LRRC4C: variants seen among roughly 807,000 people sequenced by gnomAD.
The protein encoded by LRRC4C is leucine rich repeat containing 4C.
Under a neutral mutation model 33.6 loss-of-function variants are expected in LRRC4C, and 5 were observed. That is an observed-to-expected ratio of 0.15 (90% CI 0.08 to 0.31). LRRC4C has a LOEUF of 0.31. Ranked by LOEUF, LRRC4C falls within the 10% of genes least tolerant of loss-of-function variation. The pLI is 1.00. For missense variants in LRRC4C, 560 were observed against 796.7 expected (o/e 0.70, Z 3.58); for synonymous variants, 329 against 302.0 (o/e 1.09, Z -0.93).
intron 1 of LRRC4C, among the ~76,000 whole-genome samples, chr11:41,075,132 G>A (rs1485943766): frequency 3.5e-5 from 2 of 57,368 alleles, no homozygotes; most frequent in South Asian, 7.8e-4. Context: ...CATGTGCCAT[G>A]CTGGAATGAA....
chr11:40,990,307 T>A lies in LRRC4C; in HGVS notation c.-495-56584A>T, dbSNP rs191672900. Among the ~76,000 whole-genome samples, 201 of 143,282 alleles carry A rather than the reference T, an allele frequency of 1.4e-3. 2 individuals carry two copies. Among genetic ancestry groups the A allele is most frequent in the African/African-American group, 5.0e-3 (197 of 39,032 alleles). 94.0% of individuals were successfully genotyped at this position (143,282 alleles called of 152,430 possible). A position where few individuals can be genotyped will look rare whatever the true frequency, so the allele number is the denominator to read the frequency against. On this transcript the variant is annotated intron_variant, in intron 1 of 6. Transcript: ENST00000528697. ...TGAGTATTCTTGACACATGTATAAG[T>A]CAAGTAATGATGCTGTTTGGTTCAT...
intron 1 of LRRC4C, among the ~76,000 whole-genome samples, chr11:41,348,873 G>A (rs2048840153): frequency 6.6e-6 from 1 of 152,170 alleles, no homozygotes; most frequent in South Asian, 2.1e-4. Flanking sequence ...TGAGCTAGCA[G>A]GGAGAACTTC....
intron 5 of LRRC4C, among the ~76,000 whole-genome samples, chr11:40,202,972 C>T (rs930554255): frequency 2.0e-5 from 3 of 152,022 alleles, no homozygotes; most frequent in Non-Finnish European, 4.4e-5. Context: ...CATCTATTTA[C>T]TTTTTTTTGT....
At chr11:41,289,347 C>T (rs1235296604) in intron 1 of LRRC4C, among the ~76,000 whole-genome samples, 1 of 152,110 alleles carries the variant, frequency 6.6e-6, no homozygotes, top group African/African-American at 2.4e-5. Flanking sequence ...GAAGTGTATA[C>T]TGTAACCTTT....
intron 3 of LRRC4C, among the ~76,000 whole-genome samples, chr11:40,388,600 A>G (rs1949208358): frequency 1.3e-5 from 2 of 152,310 alleles, no homozygotes; most frequent in Admixed American, 6.5e-5. Context: ...GTGACACAGC[A>G]TCATCGTGTG....
At chr11:40,168,424 G>A (rs904518402) in intron 5 of LRRC4C, among the ~76,000 whole-genome samples, 6 of 152,192 alleles carry the variant, frequency 3.9e-5, no homozygotes, top group East Asian at 1.9e-4. Context: ...TCTAGTTTGC[G>A]TCCAAACCTC....
At chr11:40,675,012 C>G (rs1371343595) in intron 2 of LRRC4C, among the ~76,000 whole-genome samples, 1 of 152,206 alleles carries the variant, frequency 6.6e-6, no homozygotes, top group Non-Finnish European at 1.5e-5. Context: ...GATTTCTACT[C>G]TGAAGCATCA....
chr11:40,856,701 G>C (rs1054185308), intron 2 of LRRC4C, among the ~76,000 whole-genome samples: 1 of 152,124 alleles, frequency 6.6e-6, no homozygotes, highest in African/African-American at 2.4e-5. Context: ...TTTCTTAATT[G>C]ATTCAGATGT....
In LRRC4C at chr11:41,448,122, G is replaced by GTTTT. The variant is rs71063918; in HGVS notation, c.-496+11305_-496+11308dup. On this transcript the variant is annotated intron_variant, in intron 1 of 6. Transcript: ENST00000528697. ...ACAAACGAGGCTGCTGCACACGTCT[G>GTTTT]TTTTTTTTTTTTTTTTTTTTGGAGC... Among the ~76,000 whole-genome samples, 254 of 46,880 alleles carry GTTTT rather than the reference G, an allele frequency of 5.4e-3. 28 individuals carry two copies. Among genetic ancestry groups the GTTTT allele is most frequent in the African/African-American group, 0.017 (220 of 12,902 alleles). 30.8% of individuals were successfully genotyped at this position (46,880 alleles called of 152,430 possible).
chr11:41,126,882 G>A (rs1942769404), intron 1 of LRRC4C, among the ~76,000 whole-genome samples: 1 of 152,026 alleles, frequency 6.6e-6, no homozygotes, highest in African/African-American at 2.4e-5. Context: ...CCATGAGAAA[G>A]TTAAGGCGAC....
chr11:41,014,429 C>T (rs537993892), intron 1 of LRRC4C, among the ~76,000 whole-genome samples: 1 of 151,708 alleles, frequency 6.6e-6, no homozygotes, highest in South Asian at 2.1e-4. Flanking sequence ...ATAAATGGTA[C>T]CAAGAGCACA....
chr11:41,367,481 G>A (rs16935634), intron 1 of LRRC4C, among the ~76,000 whole-genome samples: 2,886 of 152,244 alleles, frequency 0.019, 84 homozygotes, highest in African/African-American at 0.065. Context: ...GCTACACATA[G>A]TGAAAGGACT....
At chr11:41,206,643 C>T (rs1343910912) in intron 1 of LRRC4C, among the ~76,000 whole-genome samples, 4 of 152,172 alleles carry the variant, frequency 2.6e-5, no homozygotes, top group African/African-American at 9.7e-5. Flanking sequence ...CTAATGTAGG[C>T]TTTGCAAGGA....
intron 1 of LRRC4C, among the ~76,000 whole-genome samples, chr11:41,442,458 CTTTTTTTTTTTTTTTTT>C (rs775679545): frequency 1.2e-5 from 1 of 84,070 alleles, no homozygotes. Flanking sequence ...TTGCTTTTTT[CTTTTTTTTTTTTTTTTT>C]TTTTTTTTTT....
chr11:40,336,490 C>T (rs1946609301), intron 3 of LRRC4C, among the ~76,000 whole-genome samples: 1 of 152,156 alleles, frequency 6.6e-6, no homozygotes, highest in Non-Finnish European at 1.5e-5. Flanking sequence ...AGCAGATCCC[C>T]AGCCTCATCT....
At chr11:41,375,220 C>CATT (rs1459160320) in intron 1 of LRRC4C, among the ~76,000 whole-genome samples, 3 of 151,804 alleles carry the variant, frequency 2.0e-5, no homozygotes, top group Admixed American at 6.6e-5. Context: ...CAGGGTTAAA[C>CATT]ATTATTATTA....
chr11:40,325,254 A>G (rs1946041516), intron 3 of LRRC4C, among the ~76,000 whole-genome samples: 1 of 152,220 alleles, frequency 6.6e-6, no homozygotes, highest in Non-Finnish European at 1.5e-5. Flanking sequence ...TGTTCAACTT[A>G]TTAGAAACTA....
chr11:40,418,046 T>TA (rs5791379), intron 3 of LRRC4C, among the ~76,000 whole-genome samples: 56,411 of 152,002 alleles, frequency 0.37, 10,989 homozygotes, highest in South Asian at 0.47. Context: ...CAGACAGCTG[T>TA]AAACTTCCTA....
At chr11:40,973,073 C>T (rs1157402593) in intron 1 of LRRC4C, among the ~76,000 whole-genome samples, 1 of 152,092 alleles carries the variant, frequency 6.6e-6, no homozygotes, top group Non-Finnish European at 1.5e-5. Flanking sequence ...TTTCCTTTCA[C>T]CTTCCACTAT....
Sources: gnomAD v4.1 joint callset for allele counts (sites outside exome capture counted in the v4.1 genomes callset) on GRCh38, gnomAD v4.1.1 for gene constraint, MANE v1.5 for transcripts, NCBI Gene and HGNC (gene_info 2026-07-23, HGNC 2026-07-21) for gene names.